L3MBTL1: variants seen among roughly 807,000 people sequenced by gnomAD.
L3MBTL1 encodes the protein L3MBTL histone methyl-lysine binding protein 1.
In L3MBTL1, 75 loss-of-function variants were observed where a neutral mutation model predicts 105.3. The observed-to-expected ratio is 0.71, with a 90% confidence interval of 0.59 to 0.86. The LOEUF (loss-of-function observed/expected upper bound fraction) is 0.86. Ranked by LOEUF, L3MBTL1 falls within the 40% of genes least tolerant of loss-of-function variation. L3MBTL1 has a pLI of 0.00. For missense variants in L3MBTL1, 1,069 were observed against 1,126.4 expected, an observed-to-expected ratio of 0.95 and a Z score of 0.73; for synonymous variants, 452 against 436.2, an observed-to-expected ratio of 1.04 and a Z score of -0.45.
At position 43,516,186 on chromosome 20, in the gene L3MBTL1, G is replaced by C. The variant is rs1199509796; in HGVS notation, c.862+9G>C. On this transcript the variant is annotated intron_variant, in intron 7 of 21. Coordinates refer to ENST00000418998, the MANE Select transcript of L3MBTL1 (RefSeq NM_001377303.1). Reference sequence around the variant, plus strand: ...GAGCAGCAGCCAGCCTGGTACGGTGGCTTGTGTGTATATATATTCGTGTGA... The same window carrying C: ...GAGCAGCAGCCAGCCTGGTACGGTGCCTTGTGTGTATATATATTCGTGTGA... 6.2e-7 allele frequency: 1 copy of C among 1,610,146 alleles called. No homozygotes were observed. The highest frequency in any genetic ancestry group is 1.7e-5 in the Admixed American group (1 of 59,998).
In L3MBTL1 at chr20:43,513,601, C is replaced by G. The variant is rs199657419; in HGVS notation, c.98C>G (p.Ser33Cys). ...MHLVAGDSPGSGPHLPATAFI... is the reference protein window; with the variant it reads ...MHLVAGDSPGCGPHLPATAFI... ...TTGGTGGCCGGAGACAGCCCCGGTT[C>G]TGGTCCTCACCTGCCCGCAACTGCC... is the stretch of plus-strand genomic sequence containing the variant. The change falls in exon 2 of 22, where the codon TCT becomes TGT. Residue 33 changes from serine to cysteine, a missense_variant. Physicochemically the swap from Ser to Cys is moderately radical, Grantham distance 112. Transcript: ENST00000418998. 2 of 1,550,596 alleles carry G rather than the reference C, an allele frequency of 1.3e-6. No individual in the cohort carries two copies. Among genetic ancestry groups the G allele is most frequent in the Non-Finnish European group, 1.7e-6 (2 of 1,146,982 alleles).
At position 43,530,317 on chromosome 20, in the gene L3MBTL1, G is replaced by A; in HGVS notation, c.1090G>A (p.Gly364Arg). The change falls in exon 10 of 22, where the codon GGG becomes AGG. Residue 364 changes from glycine (G) to arginine (R), a missense_variant. Transcript: ENST00000418998. ...CTATCGCCTACGCCTGCACTTTGAT[G>A]GGTATTCTGAGTGCCATGACTTCTG... The part of the protein sequence containing the change: ...CGYRLRLHFD[G>R]YSECHDFWVN... 1 of 1,614,084 alleles carries A rather than the reference G, an allele frequency of 6.2e-7. No individual in the cohort carries two copies. Among genetic ancestry groups the A allele is most frequent in the Non-Finnish European group, 8.5e-7 (1 of 1,180,026 alleles).
intron 8 of L3MBTL1, 56 bp downstream of exon 8, chr20:43,528,801 C>A (rs759499490): frequency 1.5e-6 from 2 of 1,336,830 alleles, no homozygotes; most frequent in East Asian, 2.3e-5. Flanking sequence ...TAGGGACACA[C>A]CACCAACCTC....
intron 18 of L3MBTL1, among the ~76,000 whole-genome samples, chr20:43,547,604 T>C (rs987160092): frequency 1.6e-4 from 24 of 152,192 alleles, no homozygotes; most frequent in Admixed American, 6.5e-5. Context: ...TGTCTCCCCC[T>C]GCCCCCCTCT....
chr20:43,522,832 G>T (rs1429062108), intron 7 of L3MBTL1, among the ~76,000 whole-genome samples: 1 of 146,348 alleles, frequency 6.8e-6, no homozygotes, highest in Admixed American at 7.0e-5. Context: ...GCCGGGCATG[G>T]TAGCTCACCT....
In L3MBTL1 at chr20:43,534,018, C is replaced by T. The variant is rs762053673; in HGVS notation, c.1524C>T (p.Asp508=). The T allele has an allele frequency of 1.2e-6, 2 of 1,613,808 alleles. No homozygotes were observed. Residue 508 remains aspartate (D), a synonymous_variant, in exon 14 of 22, where the codon GAC becomes GAT. Transcript: ENST00000418998. ...CATCCTCTCCTCCAGACTACCCAGA[C>T]CCTGATAACTTCTGTTGGGAGAAAT... ...KPLTPPQDYP[D]PDNFCWEKYL...
At chr20:43,509,175 G>A (rs1473367677) in intron 1 of L3MBTL1, among the ~76,000 whole-genome samples, 1 of 152,022 alleles carries the variant, frequency 6.6e-6, no homozygotes, top group East Asian at 1.9e-4. Flanking sequence ...CAGTTATGTG[G>A]TTTTTTCTTT....
exon 19 of L3MBTL1, chr20:43,549,026 G>T (rs1319156602): frequency 1.3e-5 from 2 of 152,276 alleles, no homozygotes; most frequent in African/African-American, 4.8e-5. Context: ...AGATGGCAGA[G>T]GTTGAGGTTC....
At chr20:43,533,924 T>C in intron 13 of L3MBTL1, 84 bp from the exon 14 acceptor site, 1 of 949,114 alleles carries the variant, frequency 1.1e-6, no homozygotes, top group South Asian at 1.3e-5. Flanking sequence ...TTCTGTCCCT[T>C]CCATGTTCCT....
At chr20:43,523,856 G>T (rs1270416966) in intron 7 of L3MBTL1, among the ~76,000 whole-genome samples, 1 of 152,070 alleles carries the variant, frequency 6.6e-6, no homozygotes, top group Non-Finnish European at 1.5e-5. Flanking sequence ...TTAGCTGGGT[G>T]TGGTGGCGCA....
chr20:43,514,319 TG>T, intron 3 of L3MBTL1: 1 of 1,009,558 alleles, frequency 9.9e-7, no homozygotes, highest in Non-Finnish European at 1.4e-6. Flanking sequence ...TGGCTTAGAC[TG>T]GGGCACCCTG....
intron 7 of L3MBTL1, among the ~76,000 whole-genome samples, chr20:43,518,851 CAA>C (rs34529936): frequency 0.074 from 2,423 of 32,774 alleles, 8 homozygotes; most frequent in East Asian, 0.26. Flanking sequence ...ACTAAAAATA[CAA>C]AAAAAAAAAA....
chr20:43,520,076 C>T (rs1230689800), intron 7 of L3MBTL1, among the ~76,000 whole-genome samples: 1 of 152,130 alleles, frequency 6.6e-6, no homozygotes, highest in African/African-American at 2.4e-5. Flanking sequence ...ATCTATTAGC[C>T]ATCATTCCCC....
intron 18 of L3MBTL1, among the ~76,000 whole-genome samples, chr20:43,547,247 G>A (rs1328138797): frequency 6.6e-6 from 1 of 151,980 alleles, no homozygotes; most frequent in Non-Finnish European, 1.5e-5. Flanking sequence ...TGGGACTGCA[G>A]GCGCCCGCCA....
intron 21 of L3MBTL1, 22 bp from the exon 22 acceptor site, chr20:43,540,912 G>A (rs750881816): frequency 6.2e-7 from 1 of 1,613,580 alleles, no homozygotes; most frequent in Non-Finnish European, 8.5e-7. Context: ...CTGCTAAGGA[G>A]GGACCCGTGT....
chr20:43,539,987 G>T (rs780511225), intron 19 of L3MBTL1, 164 bp from the exon 20 acceptor site: 1 of 735,290 alleles, frequency 1.4e-6, no homozygotes, highest in Non-Finnish European at 2.4e-6. Context: ...TGTGTGAGGA[G>T]TCAGGAGATA....
At chr20:43,546,531 G>A (rs906389830), downstream of L3MBTL1, among the ~76,000 whole-genome samples, 1 of 152,168 alleles carries the variant, frequency 6.6e-6, no homozygotes, top group Admixed American at 6.5e-5. Context: ...TAGGAGCAGT[G>A]CCTGGCACGT....
chr20:43,541,181 TG>T lies in L3MBTL1; in HGVS notation c.*54del. The T allele has an allele frequency of 1.3e-6, 2 of 1,582,504 alleles. No homozygotes were observed. The highest frequency in any genetic ancestry group is 2.3e-5 in the South Asian group (2 of 86,634). Reference sequence around the variant, plus strand: ...TATAGTTGATAATTAAAGTGTATTTTGAATGACACAGATATTGTGATTTACT... The same window carrying T: ...TATAGTTGATAATTAAAGTGTATTTTAATGACACAGATATTGTGATTTACT... On this transcript the variant is annotated 3_prime_UTR_variant, in exon 22 of 22. Coordinates refer to ENST00000418998, the MANE Select transcript of L3MBTL1 (RefSeq NM_001377303.1).
chr20:43,512,323 T>C (rs2018153519), intron 1 of L3MBTL1, among the ~76,000 whole-genome samples: 1 of 152,142 alleles, frequency 6.6e-6, no homozygotes, highest in South Asian at 2.1e-4. Flanking sequence ...CCAATTTTAA[T>C]ACGTCTAAAG....
Sources: allele counts gnomAD v4.1 joint callset (sites outside exome capture counted in the v4.1 genomes callset), GRCh38; gene constraint gnomAD v4.1.1; transcripts MANE v1.5; gene names NCBI Gene and HGNC (gene_info 2026-07-23, HGNC 2026-07-21).